Variants in DPP6 observed in about 807,000 individuals in gnomAD.
The protein encoded by DPP6 is dipeptidyl peptidase like 6.
In DPP6, 69 loss-of-function variants were observed where a neutral mutation model predicts 122.6. The observed-to-expected ratio is 0.56, with a 90% confidence interval of 0.46 to 0.69. DPP6 has a LOEUF of 0.69. Among genes scored for constraint, DPP6 ranks in the 30% least tolerant of loss-of-function variants. DPP6 has a pLI of 0.00. For missense variants in DPP6, 928 were observed against 1,116.9 expected (o/e 0.83, Z 2.41); for synonymous variants, 418 against 433.1 (o/e 0.97, Z 0.43).
intron 3 of DPP6, among the ~76,000 whole-genome samples, chr7:154,515,766 G>T (rs899410491): frequency 6.6e-6 from 1 of 152,090 alleles, no homozygotes; most frequent in Non-Finnish European, 1.5e-5. Context: ...GAGCTATTGC[G>T]CCTGGCCTGT....
At chr7:153,751,134 TCAA>T in the DPP6 span, among the ~76,000 whole-genome samples, 1 of 149,674 alleles carries the variant, frequency 6.7e-6, no homozygotes, top group African/African-American at 2.5e-5. Context: ...AATATAAAAC[TCAA>T]CAATGTCAGT....
At chr7:154,180,517 TAA>T (rs1798028832) in intron 1 of DPP6, among the ~76,000 whole-genome samples, 5 of 133,774 alleles carry the variant, frequency 3.7e-5, no homozygotes, top group African/African-American at 1.7e-4. Context: ...TAAATATATA[TAA>T]ATATATAGAG....
chr7:154,340,869 G>A (rs538900519), intron 1 of DPP6, among the ~76,000 whole-genome samples: 15 of 152,258 alleles, frequency 9.9e-5, no homozygotes, highest in Middle Eastern at 6.8e-3. Flanking sequence ...CATGAAACCC[G>A]TGTCCACTAC....
At chr7:154,672,979 C>T (rs1278468355) in intron 7 of DPP6, among the ~76,000 whole-genome samples, 1 of 152,104 alleles carries the variant, frequency 6.6e-6, no homozygotes, top group Admixed American at 6.6e-5. Context: ...AGTTTGCTGA[C>T]CCCTGTTTTA....
Position 154,819,285 on chromosome 7 carries a change from C to T in DPP6, c.1666+12173C>T, listed in dbSNP as rs779165368. 7.8e-4 allele frequency among the ~76,000 whole-genome samples: 118 copies of T among 152,254 alleles called. 2 individuals carry two copies. Among genetic ancestry groups the T allele is most frequent in the Non-Finnish European group, 4.6e-4 (31 of 68,024 alleles). ...CAAAAATTAGCTGGACGTGATGGCA[C>T]GTGCCTTTAATTCCAGCTACTCAGG... On this transcript the variant is annotated intron_variant, in intron 16 of 25. Coordinates refer to ENST00000377770, the MANE Select transcript of DPP6 (RefSeq NM_130797.4).
chr7:154,726,933 A>G (rs1315130946), intron 7 of DPP6, among the ~76,000 whole-genome samples: 2 of 152,186 alleles, frequency 1.3e-5, no homozygotes, highest in East Asian at 1.9e-4. Context: ...CTATATCACT[A>G]TCAGCATTTT....
intron 3 of DPP6, among the ~76,000 whole-genome samples, chr7:154,498,546 C>T (rs1824951603): frequency 6.6e-6 from 1 of 152,098 alleles, no homozygotes; most frequent in Non-Finnish European, 1.5e-5. Flanking sequence ...CCATGTTGGC[C>T]AGGCTGGTCT....
chr7:154,726,012 T>TG (rs1264810726), intron 7 of DPP6, among the ~76,000 whole-genome samples: 1 of 152,216 alleles, frequency 6.6e-6, no homozygotes, highest in East Asian at 1.9e-4. Flanking sequence ...CCATGACTCA[T>TG]ATCCAGTGCA....
At chr7:154,017,032 A>G (rs1798450268) in intron 1 of DPP6, among the ~76,000 whole-genome samples, 1 of 152,230 alleles carries the variant, frequency 6.6e-6, no homozygotes, top group African/African-American at 2.4e-5. Flanking sequence ...GGAATAAGTA[A>G]TAGTGTTCCA....
At chr7:154,302,932 G>T (rs1317525802) in intron 1 of DPP6, among the ~76,000 whole-genome samples, 1 of 152,120 alleles carries the variant, frequency 6.6e-6, no homozygotes, top group Non-Finnish European at 1.5e-5. Flanking sequence ...CCTAAGATGC[G>T]AACAGATGGG....
At chr7:154,490,993 G>T (rs1203762059) in intron 3 of DPP6, among the ~76,000 whole-genome samples, 1 of 152,198 alleles carries the variant, frequency 6.6e-6, no homozygotes, top group African/African-American at 2.4e-5. Flanking sequence ...GAACACGCAC[G>T]TGCGATATAC....
chr7:154,365,769 C>T (rs1036482474), intron 1 of DPP6, among the ~76,000 whole-genome samples: 1 of 151,878 alleles, frequency 6.6e-6, no homozygotes, highest in South Asian at 2.1e-4. Flanking sequence ...CTGACTAACA[C>T]GCCACGGTGA....
At chr7:154,764,777 T>G (rs902782786) in intron 8 of DPP6, among the ~76,000 whole-genome samples, 1 of 152,152 alleles carries the variant, frequency 6.6e-6, no homozygotes, top group Non-Finnish European at 1.5e-5. Flanking sequence ...CCAAGCTTTG[T>G]CTCTACTTTA....
chr7:154,041,107 C>G (rs1167944795), intron 1 of DPP6, among the ~76,000 whole-genome samples: 3 of 152,144 alleles, frequency 2.0e-5, no homozygotes, highest in Non-Finnish European at 4.4e-5. Flanking sequence ...CTCTACCCTC[C>G]TCTTTCAGAC....
chr7:154,252,551 C>T (rs904782209), intron 1 of DPP6, among the ~76,000 whole-genome samples: 1 of 152,184 alleles, frequency 6.6e-6, no homozygotes, highest in Non-Finnish European at 1.5e-5. Flanking sequence ...CTACCTCCAC[C>T]CCACACTGCC....
upstream of DPP6, among the ~76,000 whole-genome samples, chr7:154,052,105 C>T (rs889928707): frequency 9.2e-6 from 1 of 108,388 alleles, no homozygotes; most frequent in Non-Finnish European, 2.2e-5. This position sits in a 1 kb window ranked among gnomAD's most constrained non-coding sequence, Gnocchi z 4.8. Flanking sequence ...CGTCCGCTCG[C>T]GTGCTGCGGG....
At chr7:154,446,452 C>A (rs1563685338) in intron 2 of DPP6, 124 bp downstream of exon 2, 1 of 575,358 alleles carries the variant, frequency 1.7e-6, no homozygotes, top group South Asian at 3.1e-5. Flanking sequence ...CTAATTCTCA[C>A]TATGCCATAT....
At chr7:154,772,997 C>A in intron 10 of DPP6, 55 bp downstream of exon 10, 1 of 1,490,376 alleles carries the variant, frequency 6.7e-7, no homozygotes, top group South Asian at 1.4e-5. Flanking sequence ...GATGAATGTT[C>A]AATGTGCATG....
intron 16 of DPP6, among the ~76,000 whole-genome samples, chr7:154,813,077 AAT>A (rs1315106295): frequency 1.4e-5 from 2 of 145,192 alleles, no homozygotes; most frequent in Non-Finnish European, 3.0e-5. Context: ...ATTTTAGGTT[AAT>A]TCCTCAATTT....
Sources: gnomAD v4.1 joint callset for allele counts (sites outside exome capture counted in the v4.1 genomes callset) on GRCh38, gnomAD v4.1.1 for gene constraint, Gnocchi (gnomAD v3.1) non-coding constraint, MANE v1.5 for transcripts, NCBI Gene and HGNC (gene_info 2026-07-23, HGNC 2026-07-21) for gene names.